PCDHA5: variants seen among roughly 807,000 people sequenced by gnomAD.
PCDHA5 encodes protocadherin alpha 5, also known as protocadherin alpha-5.
PCDHA5 carries 43 observed loss-of-function variants against 61.6 expected under a neutral mutation model. That is an observed-to-expected ratio of 0.70 (90% CI 0.55 to 0.90). The LOEUF is 0.90. Ranked by LOEUF, PCDHA5 falls within the 40% of genes least tolerant of loss-of-function variation. PCDHA5 has a pLI of 0.00. For synonymous variants in PCDHA5, 627 were observed against 543.9 expected, an observed-to-expected ratio of 1.15 and a Z score of -2.13; for missense variants, 1,298 against 1,222.7, an observed-to-expected ratio of 1.06 and a Z score of -0.92.
chr5:140,822,254 A>C lies in PCDHA5; in HGVS notation c.479A>C (p.Asp160Ala). The part of the protein sequence containing the change: ...RFPLEGASDL[D>A]IGANAQLRYR... ...CCGCTAGAGGGCGCGTCGGATTTGGATATTGGAGCAAATGCACAATTGAGA... is the reference window on the plus strand; with the variant it reads ...CCGCTAGAGGGCGCGTCGGATTTGGCTATTGGAGCAAATGCACAATTGAGA... The change falls in exon 1 of 4, where the codon GAT (aspartate) becomes GCT (alanine). Residue 160 changes from aspartate (D) to alanine (A), a missense_variant. Physicochemically the swap from Asp to Ala is moderately radical, Grantham distance 126. Coordinates refer to ENST00000529859, the MANE Select transcript of PCDHA5 (RefSeq NM_018908.3). 1 of 1,614,260 alleles carries C rather than the reference A, an allele frequency of 6.2e-7. No homozygotes were observed. Among genetic ancestry groups the C allele is most frequent in the Non-Finnish European group, 8.5e-7 (1 of 1,180,044 alleles).
intron 1 of PCDHA5, among the ~76,000 whole-genome samples, chr5:140,941,214 C>CCTTTCTTTCTTCCTTTCTTTCTTT (rs2092876516): frequency 2.3e-4 from 28 of 122,490 alleles, no homozygotes; most frequent in Middle Eastern, 4.2e-3. Context: ...TTTCTTTCTT[C>CCTTTCTTTCTTCCTTTCTTTCTTT]CTTTCTTTCT....
At chr5:140,966,825 T>C in intron 1 of PCDHA5, 3 of 1,560,026 alleles carry the variant, frequency 1.9e-6, no homozygotes, top group Non-Finnish European at 2.6e-6. Flanking sequence ...CGGCGGCCCA[T>C]GCCCTGGCTG....
intron 1 of PCDHA5, among the ~76,000 whole-genome samples, chr5:140,895,055 A>T (rs1313066261): frequency 2.0e-5 from 3 of 152,118 alleles, no homozygotes; most frequent in Non-Finnish European, 4.4e-5. Flanking sequence ...ATTCTGCTTC[A>T]TATGGACTCA....
At position 140,823,375 on chromosome 5, in the gene PCDHA5, G is replaced by T; in HGVS notation, c.1600G>T (p.Val534Leu). Residue 534 changes from valine (V) to leucine (L), a missense_variant, in exon 1 of 4, where the codon GTG becomes TTG. Coordinates refer to ENST00000529859, the MANE Select transcript of PCDHA5 (RefSeq NM_018908.3). ...GGAAGTGGAGCTGCTGCAGTTCCAG[G>T]TGAGCGCGCGCGACGCGGGCGTGCC... The part of the protein sequence containing the change: ...HEEVELLQFQ[V>L]SARDAGVPPL... 1 of 1,612,808 alleles carries T rather than the reference G, an allele frequency of 6.2e-7. No homozygotes were observed. The highest frequency in any genetic ancestry group is 8.5e-7 in the Non-Finnish European group (1 of 1,179,814).
At chr5:140,836,232 G>A in intron 1 of PCDHA5, 5 of 1,613,788 alleles carry the variant, frequency 3.1e-6, no homozygotes, top group East Asian at 2.2e-5. Context: ...GGTGGCGGCC[G>A]GTGCGAGCAT....
chr5:140,954,290 G>T (rs2095014659), intron 1 of PCDHA5, among the ~76,000 whole-genome samples: 1 of 152,126 alleles, frequency 6.6e-6, no homozygotes, highest in Non-Finnish European at 1.5e-5. Flanking sequence ...ATTCCTTTGG[G>T]TACATACCCA....
At chr5:140,897,863 T>C (rs1432232591) in intron 1 of PCDHA5, among the ~76,000 whole-genome samples, 6 of 152,206 alleles carry the variant, frequency 3.9e-5, no homozygotes, top group Admixed American at 3.9e-4. Flanking sequence ...GTTTCCTGAC[T>C]TTTTAATGAT....
Position 140,924,886 on chromosome 5 carries a change from A to C in PCDHA5, c.2353-54063A>C, listed in dbSNP as rs190850675. ...CTCCAGCCTGGGTGACAGAGCAAGAACCTGTCTCAAAAAAAAAAATAAAAT... is the reference window on the plus strand; with the variant it reads ...CTCCAGCCTGGGTGACAGAGCAAGACCCTGTCTCAAAAAAAAAAATAAAAT... On this transcript the variant is annotated intron_variant, in intron 1 of 3. Transcript: ENST00000529859. Among the ~76,000 whole-genome samples, 1,191 of 137,252 alleles carry C rather than the reference A, an allele frequency of 8.7e-3. 7 individuals carry two copies. Among genetic ancestry groups the C allele is most frequent in the African/African-American group, 0.022 (767 of 35,510 alleles). The allele number at this position is 137,252 out of a possible 152,430, so 90.0% of individuals were successfully genotyped here.
intron 3 of PCDHA5, among the ~76,000 whole-genome samples, chr5:140,989,936 C>T (rs564429410): frequency 1.3e-5 from 2 of 152,104 alleles, no homozygotes; most frequent in Non-Finnish European, 2.9e-5. Flanking sequence ...AGATGACATT[C>T]CACGTTTTTC....
At chr5:141,000,183 A>G (rs2097895175) in intron 3 of PCDHA5, among the ~76,000 whole-genome samples, 1 of 151,898 alleles carries the variant, frequency 6.6e-6, no homozygotes, top group Non-Finnish European at 1.5e-5. Context: ...CAAGGAGTCA[A>G]TGTGAGAATA....
intron 1 of PCDHA5, among the ~76,000 whole-genome samples, chr5:140,844,021 G>A (rs2150368279): frequency 1.3e-5 from 2 of 149,470 alleles, no homozygotes; most frequent in East Asian, 1.9e-4. Flanking sequence ...GACGTTCAGG[G>A]CATTTTGATC....
intron 1 of PCDHA5, among the ~76,000 whole-genome samples, chr5:140,972,762 A>G (rs1048509158): frequency 4.7e-5 from 7 of 150,026 alleles, no homozygotes; most frequent in African/African-American, 1.7e-4. Context: ...CTCCCAAGTT[A>G]AAGTGATTCT....
In PCDHA5 at chr5:140,849,585, C is replaced by A. The variant is rs147876741; in HGVS notation, c.2352+25458C>A. 8 of 1,598,624 alleles carry A rather than the reference C, an allele frequency of 5.0e-6. No homozygotes were observed. Among genetic ancestry groups the A allele is most frequent in the Admixed American group, 3.4e-5 (2 of 59,262 alleles). ...CTCGGTTCCTGTAAAAGAGGACGCA[C>A]AACTGGGGACAGTTATTGCCCTGAT... is the stretch of plus-strand genomic sequence containing the variant. On this transcript the variant is annotated intron_variant, in intron 1 of 3. Transcript: ENST00000529859.
intron 1 of PCDHA5, chr5:140,841,440 A>C: frequency 6.2e-7 from 1 of 1,612,980 alleles, no homozygotes; most frequent in South Asian, 1.1e-5. Flanking sequence ...GAGGAGGCCA[A>C]ACACGGCACC....
At chr5:141,001,953 G>C (rs55743067) in intron 3 of PCDHA5, among the ~76,000 whole-genome samples, 27 of 152,290 alleles carry the variant, frequency 1.8e-4, no homozygotes, top group Non-Finnish European at 3.5e-4. Context: ...AAGGAGGAGG[G>C]AGAGGCGGGG....
chr5:140,836,540 G>T (rs2150263388), intron 1 of PCDHA5: 1 of 1,613,776 alleles, frequency 6.2e-7, no homozygotes, highest in East Asian at 2.2e-5. Context: ...TGCTGTACAC[G>T]GCGTTGCGGT....
intron 1 of PCDHA5, among the ~76,000 whole-genome samples, chr5:140,913,266 T>C (rs1458769816): frequency 1.3e-5 from 2 of 152,176 alleles, no homozygotes; most frequent in Non-Finnish European, 2.9e-5. Flanking sequence ...TCTAATTACT[T>C]GTTATTGGTC....
intron 1 of PCDHA5, among the ~76,000 whole-genome samples, chr5:140,970,314 A>G (rs141905108): frequency 0.01 from 1,597 of 152,320 alleles, 13 homozygotes; most frequent in Middle Eastern, 0.014. Flanking sequence ...AAGTTAAATG[A>G]CAGTACTTCC....
intron 3 of PCDHA5, among the ~76,000 whole-genome samples, chr5:141,003,283 G>A (rs1331116001): frequency 3.3e-5 from 5 of 152,188 alleles, no homozygotes; most frequent in African/African-American, 1.2e-4. Flanking sequence ...GCCCAAATTG[G>A]ATTATAGGAT....
Sources: allele counts gnomAD v4.1 joint callset (sites outside exome capture counted in the v4.1 genomes callset), GRCh38; gene constraint gnomAD v4.1.1; transcripts MANE v1.5; gene names NCBI Gene and HGNC (gene_info 2026-07-23, HGNC 2026-07-21).